LINGO2: variants seen among roughly 807,000 people sequenced by gnomAD.
The protein encoded by LINGO2 is leucine-rich repeat and immunoglobulin-like domain-containing nogo receptor-interacting protein 2.
In LINGO2, 14 loss-of-function variants were observed where a neutral mutation model predicts 30.6. The observed-to-expected ratio is 0.46, with a 90% CI of 0.30 to 0.72. LINGO2 has a LOEUF of 0.72. LINGO2 is among the 30% of genes least tolerant of loss of function. LINGO2 has a pLI of 0.07. For missense variants in LINGO2, 729 were observed against 751.7 expected, an observed-to-expected ratio of 0.97 and a Z score of 0.35; for synonymous variants, 317 against 288.5, an observed-to-expected ratio of 1.10 and a Z score of -1.00.
the LINGO2 span, among the ~76,000 whole-genome samples, chr9:28,771,719 C>G: frequency 6.3e-4 from 96 of 152,142 alleles, no homozygotes; most frequent in Non-Finnish European, 1.3e-3. Context: ...AAGTGATGAG[C>G]AGCATATAGC....
the LINGO2 span, among the ~76,000 whole-genome samples, chr9:28,956,623 C>A: frequency 9.8e-6 from 1 of 102,244 alleles, no homozygotes; most frequent in Non-Finnish European, 2.0e-5. Flanking sequence ...TCCCACCCTC[C>A]CTCCCTCCCC....
At chr9:28,771,449 T>C in the LINGO2 span, among the ~76,000 whole-genome samples, 1 of 140,586 alleles carries the variant, frequency 7.1e-6, no homozygotes, top group African/African-American at 2.7e-5. Flanking sequence ...TTCTTTCCTA[T>C]TTGGTGTGTG....
chr9:28,022,255 T>C (rs1197912), intron 4 of LINGO2, among the ~76,000 whole-genome samples: 150,537 of 152,164 alleles, frequency 0.99, 74,489 homozygotes, highest in Middle Eastern at 1. Context: ...TTCTCCCTCC[T>C]ATTCTTCGTG....
intron 4 of LINGO2, among the ~76,000 whole-genome samples, chr9:28,159,107 C>T (rs1181816771): frequency 6.6e-6 from 1 of 152,124 alleles, no homozygotes; most frequent in Non-Finnish European, 1.5e-5. Flanking sequence ...GGATGACAGA[C>T]TGCTTTATAA....
intron 1 of LINGO2, among the ~76,000 whole-genome samples, chr9:28,570,559 A>G (rs1342093392): frequency 1.3e-5 from 2 of 151,828 alleles, no homozygotes; most frequent in African/African-American, 4.8e-5. Flanking sequence ...AAGTACTATC[A>G]GAAGCATATA....
At chr9:29,114,285 G>A in the LINGO2 span, among the ~76,000 whole-genome samples, 6 of 151,536 alleles carry the variant, frequency 4.0e-5, no homozygotes, top group African/African-American at 7.3e-5. Flanking sequence ...AAGTACCACG[G>A]CTTCAAGTTT....
chr9:28,269,906 C>T (rs573970114), intron 4 of LINGO2, among the ~76,000 whole-genome samples: 7 of 151,980 alleles, frequency 4.6e-5, no homozygotes, highest in Non-Finnish European at 8.8e-5. Context: ...GCACATAGTC[C>T]ACAGAAGACA....
chr9:28,430,109 C>CGCGCGCGCGTGT (rs569701444), intron 2 of LINGO2, among the ~76,000 whole-genome samples: 42 of 136,098 alleles, frequency 3.1e-4, no homozygotes, highest in Non-Finnish European at 6.2e-4. Context: ...CGCGCGCGCG[C>CGCGCGCGCGTGT]GTGTGTGTGT....
At chr9:28,795,532 G>C in the LINGO2 span, among the ~76,000 whole-genome samples, 3 of 151,690 alleles carry the variant, frequency 2.0e-5, no homozygotes, top group Admixed American at 2.0e-4. Flanking sequence ...TAAATAACTA[G>C]TCTATTTCTT....
chr9:28,832,293 C>A, the LINGO2 span, among the ~76,000 whole-genome samples: 1 of 152,160 alleles, frequency 6.6e-6, no homozygotes, highest in African/African-American at 2.4e-5. Context: ...ACAGTTAATA[C>A]TTCACTGCTG....
chr9:27,989,445 C>CTG (rs5897262), intron 5 of LINGO2, among the ~76,000 whole-genome samples: 164 of 150,490 alleles, frequency 1.1e-3, no homozygotes, highest in Middle Eastern at 3.4e-3. Flanking sequence ...TGAATGCTCT[C>CTG]TGTGTGTGTG....
chr9:28,579,269 C>G (rs768295670), intron 1 of LINGO2, among the ~76,000 whole-genome samples: 13 of 152,006 alleles, frequency 8.6e-5, no homozygotes, highest in Non-Finnish European at 1.5e-4. Flanking sequence ...TGTCCTTAGT[C>G]TCTTAGCCCA....
chr9:28,991,225 C>A, the LINGO2 span, among the ~76,000 whole-genome samples: 3 of 151,748 alleles, frequency 2.0e-5, no homozygotes, highest in South Asian at 6.3e-4. Flanking sequence ...AATGCAGAAG[C>A]CTCAGGAGCC....
At chr9:28,384,822 G>T (rs937295349) in intron 2 of LINGO2, among the ~76,000 whole-genome samples, 5 of 116,342 alleles carry the variant, frequency 4.3e-5, no homozygotes, top group Non-Finnish European at 8.3e-5. Flanking sequence ...GAGGCTTTGT[G>T]TGATAAAAAA....
chr9:28,237,732 G>A (rs1352495576), intron 4 of LINGO2, among the ~76,000 whole-genome samples: 1 of 152,056 alleles, frequency 6.6e-6, no homozygotes, highest in African/African-American at 2.4e-5. Context: ...GCACATGCCT[G>A]TAATCCCAGC....
chr9:28,520,914 C>A (rs1371986329), intron 1 of LINGO2, among the ~76,000 whole-genome samples: 9 of 152,150 alleles, frequency 5.9e-5, no homozygotes, highest in Non-Finnish European at 8.8e-5. Context: ...AGATGTGCCA[C>A]ACAATAGTAC....
At chr9:28,068,833 A>G (rs1825390190) in intron 4 of LINGO2, among the ~76,000 whole-genome samples, 1 of 152,172 alleles carries the variant, frequency 6.6e-6, no homozygotes. Flanking sequence ...GGTACTATGA[A>G]GGATACAAAT....
chr9:28,505,945 T>C (rs1353939954), intron 1 of LINGO2, among the ~76,000 whole-genome samples: 2 of 151,914 alleles, frequency 1.3e-5, no homozygotes, highest in East Asian at 3.9e-4. Flanking sequence ...ATTATTATTA[T>C]GCAAGGGTAT....
chr9:28,980,490 T>A, the LINGO2 span, among the ~76,000 whole-genome samples: 1 of 152,054 alleles, frequency 6.6e-6, no homozygotes, highest in Non-Finnish European at 1.5e-5. Context: ...TTCCACGACG[T>A]CTCTGGAGAA....
Sources: gnomAD v4.1 joint callset for allele counts (sites outside exome capture counted in the v4.1 genomes callset) on GRCh38, gnomAD v4.1.1 for gene constraint, MANE v1.5 for transcripts, NCBI Gene and HGNC (gene_info 2026-07-23, HGNC 2026-07-21) for gene names.